Variants in LYRM4 observed in about 807,000 individuals in gnomAD.
LYRM4 encodes the protein LYR motif-containing protein 4.
LYRM4 carries 9 observed loss-of-function variants against 11.7 expected under a neutral mutation model. That is an observed-to-expected ratio of 0.77 (90% CI 0.46 to 1.34). The LOEUF (loss-of-function observed/expected upper bound fraction) is 1.34. Ranked by LOEUF, LYRM4 falls within the 40% of genes most tolerant of loss-of-function variation. The probability of loss-of-function intolerance (pLI) is 0.00; values close to 1 mark genes in which losing one functional copy is unlikely to be tolerated. For synonymous variants in LYRM4, 42 were observed against 40.4 expected, an observed-to-expected ratio of 1.04 and a Z score of -0.15; for missense variants, 133 against 112.5, an observed-to-expected ratio of 1.18 and a Z score of -0.82.
chr6:5,037,009 ATTT>A, the LYRM4 span, among the ~76,000 whole-genome samples: 9 of 28,724 alleles, frequency 3.1e-4, 3 homozygotes, highest in East Asian at 0.061. Flanking sequence ...TTTAGCTTGT[ATTT>A]TTTTTTTTTT....
At chr6:5,167,793 C>T (rs796580364) in intron 2 of LYRM4, among the ~76,000 whole-genome samples, 4 of 152,144 alleles carry the variant, frequency 2.6e-5, no homozygotes, top group African/African-American at 9.6e-5. Flanking sequence ...AAATACATTG[C>T]ATTTTTTTTT....
rs75937732 is a variant in LYRM4, at chr6:5,114,340, T to C, written c.208-4849A>G. ...ACGCCTTATTGCCAGCTTTCTTTTA[T>C]GTGTGAGAAAAATAAACCTCCATCT... On this transcript the variant is annotated intron_variant, in intron 2 of 2. Coordinates refer to ENST00000330636, the MANE Select transcript of LYRM4 (RefSeq NM_020408.6). Among the ~76,000 whole-genome samples, 1,496 of 152,328 alleles carry C rather than the reference T, an allele frequency of 9.8e-3. 50 individuals carry two copies. The highest frequency in any genetic ancestry group is 0.064 in the East Asian group (332 of 5,184).
chr6:5,111,180 T>C (rs1305425606), intron 2 of LYRM4, among the ~76,000 whole-genome samples: 1 of 151,992 alleles, frequency 6.6e-6, no homozygotes, highest in African/African-American at 2.4e-5. Context: ...TCAAATGATA[T>C]TGAGAAAAGA....
the LYRM4 span, chr6:5,085,143 C>G: frequency 3.2e-6 from 1 of 316,916 alleles, no homozygotes; most frequent in Non-Finnish European, 5.8e-6. Context: ...AGTCGCCCCC[C>G]GCATTCCACC....
At chr6:5,106,116 A>C (rs1399256830), downstream of LYRM4, 1 of 152,298 alleles carries the variant, frequency 6.6e-6, no homozygotes, top group Non-Finnish European at 1.5e-5. Context: ...GGCCCGTCCC[A>C]TCGGCTCTGG....
At chr6:5,039,116 AT>A in the LYRM4 span, among the ~76,000 whole-genome samples, 1,934 of 150,550 alleles carry the variant, frequency 0.013, 40 homozygotes, top group African/African-American at 0.044. Flanking sequence ...ATTTATTTTC[AT>A]TTTTTTTTCA....
At chr6:5,212,595 A>G (rs1422724191) in intron 2 of LYRM4, among the ~76,000 whole-genome samples, 2 of 152,214 alleles carry the variant, frequency 1.3e-5, no homozygotes, top group Admixed American at 1.3e-4. Flanking sequence ...GCTAGCCCAG[A>G]ACTTGCTTTC....
intron 1 of LYRM4, among the ~76,000 whole-genome samples, chr6:5,246,006 T>C (rs771007571): frequency 3.3e-5 from 5 of 152,082 alleles, no homozygotes; most frequent in South Asian, 2.1e-4. Flanking sequence ...GAAACAACTA[T>C]AGTTTTTTCC....
chr6:5,205,100 G>A (rs1022792238), intron 2 of LYRM4, among the ~76,000 whole-genome samples: 1 of 152,262 alleles, frequency 6.6e-6, no homozygotes, highest in Non-Finnish European at 1.5e-5. Flanking sequence ...TCCTCTGGAA[G>A]CTCACAGGGT....
At chr6:5,096,793 T>A in the LYRM4 span, among the ~76,000 whole-genome samples, 1 of 152,216 alleles carries the variant, frequency 6.6e-6, no homozygotes, top group East Asian at 1.9e-4. Context: ...GGTCTCAACA[T>A]CTTTCTCTTT....
At chr6:5,051,915 A>G in the LYRM4 span, among the ~76,000 whole-genome samples, 2 of 152,154 alleles carry the variant, frequency 1.3e-5, no homozygotes, top group Non-Finnish European at 2.9e-5. Context: ...GCTCTTTTTA[A>G]CAACCAACTC....
the LYRM4 span, among the ~76,000 whole-genome samples, chr6:5,092,585 G>C: frequency 6.6e-6 from 1 of 152,050 alleles, no homozygotes; most frequent in East Asian, 1.9e-4. Flanking sequence ...AGGCGTGGTG[G>C]TGCACACCTG....
At chr6:5,090,308 A>G in the LYRM4 span, among the ~76,000 whole-genome samples, 1 of 152,234 alleles carries the variant, frequency 6.6e-6, no homozygotes, top group Non-Finnish European at 1.5e-5. The surrounding 1 kb of genome is among the most constrained non-coding windows in gnomAD (Gnocchi z 4.8). Context: ...GTCCCTATCT[A>G]GAGCTTCAGA....
chr6:5,057,609 G>A, the LYRM4 span, among the ~76,000 whole-genome samples: 11 of 151,912 alleles, frequency 7.2e-5, 1 homozygote, highest in Admixed American at 6.6e-4. Context: ...CAGCTACTCG[G>A]GAGGCTGAGG....
intron 2 of LYRM4, among the ~76,000 whole-genome samples, chr6:5,199,753 T>G (rs1027500978): frequency 2.0e-5 from 3 of 152,146 alleles, no homozygotes; most frequent in African/African-American, 7.2e-5. Flanking sequence ...CCATCCCAAT[T>G]TAAGCTGTGC....
At chr6:5,115,004 T>C (rs1763055152) in intron 2 of LYRM4, among the ~76,000 whole-genome samples, 1 of 152,236 alleles carries the variant, frequency 6.6e-6, no homozygotes, top group African/African-American at 2.4e-5. Context: ...CATAACTTGC[T>C]TTTTAACTTC....
intron 2 of LYRM4, among the ~76,000 whole-genome samples, chr6:5,194,118 G>A (rs1412178020): frequency 6.6e-6 from 1 of 150,490 alleles, no homozygotes; most frequent in Non-Finnish European, 1.5e-5. Flanking sequence ...AGAGACAGAG[G>A]ACAAACATGG....
At chr6:5,245,750 G>A (rs546385037) in intron 1 of LYRM4, among the ~76,000 whole-genome samples, 2 of 152,282 alleles carry the variant, frequency 1.3e-5, no homozygotes, top group East Asian at 3.9e-4. Context: ...TGTCACTGTG[G>A]AAACGTGTAT....
intron 2 of LYRM4, among the ~76,000 whole-genome samples, chr6:5,151,655 A>C (rs988142502): frequency 1.3e-5 from 2 of 152,324 alleles, no homozygotes; most frequent in Non-Finnish European, 2.9e-5. Context: ...ATGGGCTTTC[A>C]AAGCAGAAAG....
Sources: gnomAD v4.1 joint callset for allele counts (sites outside exome capture counted in the v4.1 genomes callset) on GRCh38, gnomAD v4.1.1 for gene constraint, Gnocchi (gnomAD v3.1) non-coding constraint, MANE v1.5 for transcripts, NCBI Gene and HGNC (gene_info 2026-07-23, HGNC 2026-07-21) for gene names.